Variants in TET3 observed in about 807,000 individuals in gnomAD.
TET3 encodes the protein methylcytosine dioxygenase TET3.
TET3 carries 19 observed loss-of-function variants against 141.4 expected under a neutral mutation model. The ratio of observed to expected loss-of-function variants is 0.13; its 90% CI spans 0.09 to 0.20. The LOEUF is 0.20. TET3 is among the 10% of genes least tolerant of loss of function. The probability of loss-of-function intolerance (pLI) is 1.00; values close to 1 mark genes in which losing one functional copy is unlikely to be tolerated. For synonymous variants in TET3, 1,043 were observed against 980.9 expected (o/e 1.06, Z -1.18); for missense variants, 1,874 against 2,356.9 (o/e 0.80, Z 4.24).
At chr2:74,035,560 C>G (rs796114116) in intron 3 of TET3, among the ~76,000 whole-genome samples, 1 of 151,124 alleles carries the variant, frequency 6.6e-6, no homozygotes, top group Non-Finnish European at 1.5e-5. Context: ...AACCCTGTCT[C>G]TACTAAAAAT....
At chr2:74,063,542 A>G (rs1484826354) in intron 4 of TET3, among the ~76,000 whole-genome samples, 1 of 152,180 alleles carries the variant, frequency 6.6e-6, no homozygotes, top group East Asian at 1.9e-4. Context: ...AAAGATGCTC[A>G]ATAATTCAGT....
Position 74,099,239 on chromosome 2 carries a change from C to T in TET3, c.3268-37C>T, listed in dbSNP as rs532405159. The T allele has an allele frequency of 6.6e-5, 101 of 1,523,730 alleles. 2 individuals are homozygous for T. In the Admixed American group the frequency reaches 1.5e-3, roughly 23 times the overall value. 94.4% of individuals were successfully genotyped at this position (1,523,730 alleles called of 1,614,324 possible). A position where few individuals can be genotyped will look rare whatever the true frequency, so the allele number is the denominator to read the frequency against. On this transcript the variant is annotated intron_variant, in intron 10 of 11. Coordinates refer to ENST00000409262, the MANE Select transcript of TET3 (RefSeq NM_001287491.2). The stretch of plus-strand genomic sequence containing the variant: ...CCCTCTCTCCCAGCACTCGGTCCCC[C>T]AACCCCATGTCCTCTCTCCCCCACT...
Position 74,046,354 on chromosome 2 carries a change from C to T in TET3, c.437C>T (p.Ser146Leu). The change falls in exon 4 of 12, where the codon TCA (serine) becomes TTA (leucine). Residue 146 changes from serine to leucine, a missense_variant. Around this residue, in one of 10 missense-constraint regions of TET3, gnomAD observed 366 missense variants for 487.0 expected, o/e 0.75. Coordinates refer to ENST00000409262, the MANE Select transcript of TET3 (RefSeq NM_001287491.2). The surrounding 1 kb of genome is among the most constrained non-coding windows in gnomAD (Gnocchi z 4.3). ...TCAGGGCCAGTGTACCATGGGGACTCACGGCAGCTAAGCGCCTCAGGGGTG... is the reference window on the plus strand; with the variant it reads ...TCAGGGCCAGTGTACCATGGGGACTTACGGCAGCTAAGCGCCTCAGGGGTG... ...MDSGPVYHGDSRQLSASGVPV... is the reference protein window; with the variant it reads ...MDSGPVYHGDLRQLSASGVPV... 1.3e-6 allele frequency: 2 copies of T among 1,528,782 alleles called. No individual in the cohort carries two copies. Among genetic ancestry groups the T allele is most frequent in the Non-Finnish European group, 1.8e-6 (2 of 1,141,872 alleles). The allele number at this position is 1,528,782 out of a possible 1,614,324, so 94.7% of individuals were successfully genotyped here.
intron 3 of TET3, among the ~76,000 whole-genome samples, chr2:74,012,575 A>G (rs1161160506): frequency 6.6e-6 from 1 of 152,222 alleles, no homozygotes; most frequent in Non-Finnish European, 1.5e-5. Flanking sequence ...TTCACAAGGG[A>G]TGAAGCTGGA....
chr2:74,082,157 G>T (rs554004806), intron 6 of TET3, among the ~76,000 whole-genome samples: 3 of 152,336 alleles, frequency 2.0e-5, no homozygotes, highest in Non-Finnish European at 4.4e-5. Context: ...CTTCAAGACA[G>T]TTGGCCCCTT....
At chr2:74,120,175 G>A in the TET3 span, among the ~76,000 whole-genome samples, 4 of 152,188 alleles carry the variant, frequency 2.6e-5, no homozygotes, top group Admixed American at 6.5e-5. Flanking sequence ...GGCTCCTCCC[G>A]GGGGAACTCC....
chr2:74,110,583 T>C (rs1386606254), downstream of TET3, among the ~76,000 whole-genome samples: 2 of 152,100 alleles, frequency 1.3e-5, no homozygotes, highest in Non-Finnish European at 2.9e-5. Flanking sequence ...GAACACAACA[T>C]AGAAGACGTG....
Position 74,101,325 on chromosome 2 carries a change from T to G in TET3, c.4537T>G (p.Trp1513Gly), listed in dbSNP as rs748818376. 4.3e-6 allele frequency: 7 copies of G among 1,613,466 alleles called. No homozygotes were observed. Among genetic ancestry groups the G allele is most frequent in the Non-Finnish European group, 5.9e-6 (7 of 1,179,776 alleles). ...TGGAGGACGGCTGCGAGGCAAACCG[T>G]GGAGCCCCTGCAAGTTTGGGAACAG... ...HSGGRLRGKP[W>G]SPCKFGNSTS... is the part of the protein sequence containing the mutation. Residue 1513 changes from tryptophan to glycine, a missense_variant, in exon 12 of 12, where the codon TGG becomes GGG. By Grantham distance (184) the Trp-to-Gly change is radical (BLOSUM62 -2). Coordinates refer to ENST00000409262, the MANE Select transcript of TET3 (RefSeq NM_001287491.2). This position sits in a 1 kb window ranked among gnomAD's most constrained non-coding sequence, Gnocchi z 8.5.
upstream of TET3, among the ~76,000 whole-genome samples, chr2:73,984,905 G>T (rs1171479487): frequency 6.8e-6 from 1 of 147,504 alleles, no homozygotes; most frequent in African/African-American, 2.4e-5. This position sits in a 1 kb window ranked among gnomAD's most constrained non-coding sequence, Gnocchi z 5.6. Context: ...TGCGCGGGGG[G>T]CGGGGAGTCC....
At chr2:74,050,437 G>GA (rs371652648) in intron 4 of TET3, among the ~76,000 whole-genome samples, 6 of 147,776 alleles carry the variant, frequency 4.1e-5, no homozygotes, top group Admixed American at 6.7e-5. Flanking sequence ...CCTTGTAAAG[G>GA]AAAAAAAAAA....
intron 3 of TET3, among the ~76,000 whole-genome samples, chr2:74,030,630 TGAACCAAGACA>T (rs1252375215): frequency 1.3e-4 from 20 of 152,354 alleles, no homozygotes; most frequent in Admixed American, 1.0e-3. Context: ...TTTTACTGTT[TGAACCAAGACA>T]GAAGTTGTAA....
chr2:74,123,090 T>C, the TET3 span: 2 of 152,164 alleles, frequency 1.3e-5, no homozygotes, highest in Non-Finnish European at 2.9e-5. Context: ...ATTTCAATAG[T>C]TGAAGCAAAA....
At chr2:74,003,567 TG>T (rs1221756016) in intron 3 of TET3, among the ~76,000 whole-genome samples, 9 of 11,456 alleles carry the variant, frequency 7.9e-4, no homozygotes, top group African/African-American at 2.3e-3. Flanking sequence ...GGAGGGGGGG[TG>T]GGGGGGCGTA....
intron 2 of TET3, among the ~76,000 whole-genome samples, chr2:73,988,865 G>A (rs776411666): frequency 6.7e-6 from 1 of 148,476 alleles, no homozygotes; most frequent in Admixed American, 6.7e-5. Context: ...TTTAAAATAC[G>A]CTTTCTTAAA....
intron 6 of TET3, 120 bp downstream of exon 6, chr2:74,080,711 C>A (rs1344639997): frequency 2.9e-6 from 2 of 690,270 alleles, no homozygotes; most frequent in Non-Finnish European, 4.7e-6. Context: ...GGGGGTGGGG[C>A]CAGGTGGGTG....
intron 4 of TET3, among the ~76,000 whole-genome samples, chr2:74,054,908 G>A (rs181387945): frequency 4.9e-4 from 74 of 152,162 alleles, no homozygotes; most frequent in African/African-American, 1.7e-3. Context: ...TGTTGTTGTT[G>A]TTTTTGAGAT....
intron 4 of TET3, among the ~76,000 whole-genome samples, chr2:74,054,062 A>T (rs184395849): frequency 6.6e-6 from 1 of 152,294 alleles, no homozygotes; most frequent in East Asian, 1.9e-4. Flanking sequence ...ATGCAGATGA[A>T]AGACATGTGG....
chr2:74,011,582 C>T (rs12713804), intron 3 of TET3, among the ~76,000 whole-genome samples: 49,116 of 152,148 alleles, frequency 0.32, 8,609 homozygotes, highest in African/African-American at 0.45. Context: ...CAGCTCCTCC[C>T]CGGTGTCACT....
intron 6 of TET3, among the ~76,000 whole-genome samples, chr2:74,081,963 G>A (rs1357019572): frequency 3.9e-5 from 6 of 152,210 alleles, no homozygotes; most frequent in African/African-American, 1.4e-4. Context: ...GCAGTGAGAA[G>A]TCTGATGTGG....
Sources: gnomAD v4.1 joint callset for allele counts (sites outside exome capture counted in the v4.1 genomes callset) on GRCh38, gnomAD v4.1.1 for gene constraint, gnomAD v4.1.1 regional missense constraint, Gnocchi (gnomAD v3.1) non-coding constraint, MANE v1.5 for transcripts, NCBI Gene and HGNC (gene_info 2026-07-23, HGNC 2026-07-21) for gene names.